Variants in ZNF385D observed in about 807,000 individuals in gnomAD.
The protein encoded by ZNF385D is zinc finger protein 659.
In ZNF385D, 15 loss-of-function variants were observed where a neutral mutation model predicts 35.8. The observed-to-expected ratio is 0.42, with a 90% confidence interval of 0.28 to 0.64. ZNF385D has a LOEUF of 0.64. Among genes scored for constraint, ZNF385D ranks in the 30% least tolerant of loss-of-function variants. ZNF385D has a pLI of 0.23. For missense variants in ZNF385D, 474 were observed against 494.6 expected (o/e 0.96, Z 0.39); for synonymous variants, 212 against 186.8 (o/e 1.13, Z -1.10).
chr3:22,256,003 G>A (rs963307366), intron 2 of ZNF385D, among the ~76,000 whole-genome samples: 1 of 151,646 alleles, frequency 6.6e-6, no homozygotes, highest in Non-Finnish European at 1.5e-5. Flanking sequence ...TCAGCTGTCA[G>A]TGCTGCTAGA....
intron 2 of ZNF385D, among the ~76,000 whole-genome samples, chr3:22,276,786 G>A (rs187592478): frequency 6.6e-6 from 1 of 152,192 alleles, no homozygotes; most frequent in East Asian, 1.9e-4. Context: ...AAAACTCAAT[G>A]TATCAGTGTG....
intron 3 of ZNF385D, among the ~76,000 whole-genome samples, chr3:22,019,926 T>C (rs923541012): frequency 2.6e-5 from 4 of 151,930 alleles, no homozygotes; most frequent in East Asian, 1.9e-4. Flanking sequence ...AGTCTTTTTA[T>C]GAATTTTCTA....
At chr3:21,440,326 G>A (rs1294014660) in intron 4 of ZNF385D, among the ~76,000 whole-genome samples, 10 of 151,970 alleles carry the variant, frequency 6.6e-5, no homozygotes, top group Admixed American at 6.6e-4. Context: ...TACCTCTGTG[G>A]GCTTCCTTCT....
chr3:21,560,455 T>C (rs2062900760), intron 3 of ZNF385D, among the ~76,000 whole-genome samples: 1 of 152,228 alleles, frequency 6.6e-6, no homozygotes, highest in Non-Finnish European at 1.5e-5. Flanking sequence ...CCTGTTTGCC[T>C]GGGTATCACC....
intron 2 of ZNF385D, among the ~76,000 whole-genome samples, chr3:22,218,608 G>C (rs1412840959): frequency 1.3e-5 from 2 of 151,966 alleles, no homozygotes; most frequent in African/African-American, 4.8e-5. Flanking sequence ...GCACAACATT[G>C]AACAGAATAT....
chr3:22,089,515 T>C (rs979752608), intron 3 of ZNF385D, among the ~76,000 whole-genome samples: 4 of 152,144 alleles, frequency 2.6e-5, no homozygotes, highest in Non-Finnish European at 4.4e-5. Context: ...GCAGTGTGCA[T>C]GGCTTCTGTA....
At chr3:21,768,047 T>C (rs1047642746) in intron 3 of ZNF385D, among the ~76,000 whole-genome samples, 4 of 152,064 alleles carry the variant, frequency 2.6e-5, no homozygotes, top group African/African-American at 4.8e-5. Context: ...TGCACTCATT[T>C]TGTACATTTC....
chr3:21,760,852 G>T (rs2070575893), intron 3 of ZNF385D, among the ~76,000 whole-genome samples: 1 of 152,016 alleles, frequency 6.6e-6, no homozygotes, highest in Non-Finnish European at 1.5e-5. Context: ...TTGAAAGATT[G>T]GTTTAATGTG....
intron 2 of ZNF385D, among the ~76,000 whole-genome samples, chr3:21,609,299 A>G (rs2064596249): frequency 2.0e-5 from 3 of 152,226 alleles, no homozygotes; most frequent in South Asian, 2.1e-4. Context: ...TAGAATTGCC[A>G]TTAATTGTTT....
intron 3 of ZNF385D, among the ~76,000 whole-genome samples, chr3:22,144,347 G>A (rs1199479630): frequency 1.3e-5 from 2 of 152,014 alleles, no homozygotes; most frequent in East Asian, 1.9e-4. Flanking sequence ...GCCAAGGGTG[G>A]CAGATCACTT....
intron 4 of ZNF385D, among the ~76,000 whole-genome samples, chr3:21,454,574 T>C (rs1255363365): frequency 6.6e-6 from 1 of 152,120 alleles, no homozygotes; most frequent in African/African-American, 2.4e-5. Flanking sequence ...AAATTAGGTA[T>C]TGATGGGACG....
chr3:22,121,883 CTG>C, intron 3 of ZNF385D, among the ~76,000 whole-genome samples: 1 of 152,146 alleles, frequency 6.6e-6, no homozygotes, highest in East Asian at 1.9e-4. Context: ...ATTTATCTAA[CTG>C]TATGTTAGTA....
intron 3 of ZNF385D, among the ~76,000 whole-genome samples, chr3:21,550,426 A>C (rs2062525188): frequency 6.6e-6 from 1 of 152,206 alleles, no homozygotes; most frequent in Non-Finnish European, 1.5e-5. Flanking sequence ...AAGAGATATG[A>C]ATTAAATTCA....
At chr3:21,446,366 C>A (rs750640470) in intron 4 of ZNF385D, among the ~76,000 whole-genome samples, 2 of 152,022 alleles carry the variant, frequency 1.3e-5, no homozygotes, top group African/African-American at 4.8e-5. Context: ...CGACATGGGA[C>A]TTTCAGTGCT....
intron 2 of ZNF385D, among the ~76,000 whole-genome samples, chr3:21,649,754 TC>T (rs1299483436): frequency 2.0e-5 from 3 of 152,322 alleles, no homozygotes; most frequent in East Asian, 1.9e-4. Context: ...TTTTCCCAAT[TC>T]TTTGACTTTG....
At chr3:22,263,315 G>A (rs1482565289) in intron 2 of ZNF385D, among the ~76,000 whole-genome samples, 1 of 151,858 alleles carries the variant, frequency 6.6e-6, no homozygotes, top group Non-Finnish European at 1.5e-5. Flanking sequence ...GTTCCACTTG[G>A]GGACTTTCCA....
intron 1 of ZNF385D, among the ~76,000 whole-genome samples, chr3:21,706,246 T>G (rs1428553936): frequency 6.6e-6 from 1 of 152,102 alleles, no homozygotes; most frequent in Non-Finnish European, 1.5e-5. Flanking sequence ...TTGAGAAATT[T>G]GTCCTTATCA....
At chr3:22,115,748 A>T (rs1369753812) in intron 3 of ZNF385D, among the ~76,000 whole-genome samples, 1 of 152,108 alleles carries the variant, frequency 6.6e-6, no homozygotes, top group African/African-American at 2.4e-5. Context: ...AAAGAAAAAT[A>T]TGTACAGCTT....
rs139158121 is a variant in ZNF385D, at chr3:22,154,508, T to C, written c.325+14309A>G. Reference sequence around the variant, plus strand: ...AAGGCAACTGAGGAATACTCTAGAGTGCAAATTAAGCTCTGTCTGATCTCT... The same window carrying C: ...AAGGCAACTGAGGAATACTCTAGAGCGCAAATTAAGCTCTGTCTGATCTCT... On this transcript the variant is annotated intron_variant, in intron 3 of 5. Transcript: ENST00000494108. 2.3e-3 allele frequency among the ~76,000 whole-genome samples: 347 copies of C among 152,242 alleles called. 1 individual carries two copies. Among genetic ancestry groups the C allele is most frequent in the African/African-American group, 8.1e-3 (336 of 41,554 alleles).
Sources: gnomAD v4.1 joint callset for allele counts (sites outside exome capture counted in the v4.1 genomes callset) on GRCh38, gnomAD v4.1.1 for gene constraint, MANE v1.5 for transcripts, NCBI Gene and HGNC (gene_info 2026-07-23, HGNC 2026-07-21) for gene names.